Variants in YARS1 observed in about 807,000 individuals in gnomAD.
YARS1 encodes the protein tyrosyl-tRNA synthetase 1.
A neutral mutation model predicts 62.2 loss-of-function variants in YARS1; 36 were observed. The observed-to-expected ratio is 0.58, with a 90% CI of 0.44 to 0.76. The LOEUF (loss-of-function observed/expected upper bound fraction) is 0.76. YARS1 is among the 30% of genes least tolerant of loss of function. The probability of loss-of-function intolerance (pLI) is 0.00; values close to 1 mark genes in which losing one functional copy is unlikely to be tolerated. For synonymous variants in YARS1, 234 were observed against 244.9 expected (o/e 0.96, Z 0.42); for missense variants, 524 against 639.8 (o/e 0.82, Z 1.95).
At chr1:32,798,457 C>T (rs146953798) in intron 4 of YARS1, among the ~76,000 whole-genome samples, 1 of 152,290 alleles carries the variant, frequency 6.6e-6, no homozygotes, top group Non-Finnish European at 1.5e-5. Context: ...AGGTATTCTA[C>T]TGAATAAGGT....
chr1:32,781,462 T>C (rs903210229), intron 9 of YARS1: 4 of 362,434 alleles, frequency 1.1e-5, no homozygotes, highest in Non-Finnish European at 1.6e-5. Context: ...CTCACACCTG[T>C]AATTCTAGCA....
At chr1:32,779,244 T>C in intron 12 of YARS1, 138 bp downstream of exon 12, 1 of 1,426,868 alleles carries the variant, frequency 7.0e-7, no homozygotes, top group African/African-American at 1.4e-5. Context: ...CAAAAAGGTC[T>C]GGAAAGAAGG....
intron 8 of YARS1, among the ~76,000 whole-genome samples, chr1:32,786,021 G>A (rs1220410760): frequency 6.6e-6 from 1 of 151,970 alleles, no homozygotes; most frequent in Admixed American, 6.6e-5. Context: ...ATCCTAAAGG[G>A]ACCACTCGTG....
At chr1:32,802,748 C>T (rs895807419) in intron 4 of YARS1, among the ~76,000 whole-genome samples, 2 of 152,258 alleles carry the variant, frequency 1.3e-5, no homozygotes, top group Middle Eastern at 3.4e-3. Context: ...GTAAATCATA[C>T]TGTTAACAGA....
intron 9 of YARS1, 182 bp downstream of exon 9, chr1:32,782,222 G>C: frequency 4.3e-6 from 4 of 928,584 alleles, no homozygotes; most frequent in Non-Finnish European, 6.6e-6. Flanking sequence ...ATCACTTCCT[G>C]ATGTTAACCA....
In YARS1 at chr1:32,776,020, G is replaced by T; in HGVS notation, c.1548C>A (p.Ser516=). ...KQTNFMTKLG[S]ISCKSLKGGN... ...CCCCTTTCAGCGATTTACAGGAAAT[G>T]GAGCCCAGCTTGGTCATGAAGTTGG... The change falls in exon 13 of 13, where the codon TCC becomes TCA. Residue 516 remains serine (S), a synonymous_variant. Coordinates refer to ENST00000373477, the MANE Select transcript of YARS1 (RefSeq NM_003680.4). This position sits in a 1 kb window ranked among gnomAD's most constrained non-coding sequence, Gnocchi z 4.0. 3.1e-6 allele frequency: 5 copies of T among 1,614,198 alleles called. No homozygotes were observed. Among genetic ancestry groups the T allele is most frequent in the Non-Finnish European group, 4.2e-6 (5 of 1,180,034 alleles).
chr1:32,803,596 G>A (rs988574127), intron 4 of YARS1, among the ~76,000 whole-genome samples: 2 of 152,102 alleles, frequency 1.3e-5, no homozygotes, highest in Non-Finnish European at 2.9e-5. Context: ...AGTCCGAGAT[G>A]GCATCTTCTT....
intron 12 of YARS1, among the ~76,000 whole-genome samples, chr1:32,778,076 A>G (rs1281485976): frequency 6.6e-6 from 1 of 152,202 alleles, no homozygotes; most frequent in African/African-American, 2.4e-5. Flanking sequence ...TGGAGAGTAG[A>G]AATGACTCTC....
chr1:32,814,796 C>T (rs1272855497), intron 1 of YARS1, among the ~76,000 whole-genome samples: 1 of 152,126 alleles, frequency 6.6e-6, no homozygotes, highest in Non-Finnish European at 1.5e-5. Flanking sequence ...TTCTTTTTGT[C>T]CTATGACAGT....
intron 8 of YARS1, chr1:32,783,731 T>A (rs1310100147): frequency 1.3e-5 from 2 of 152,206 alleles, no homozygotes; most frequent in Admixed American, 6.5e-5. Flanking sequence ...TGATACTACT[T>A]CTTCATTTCC....
chr1:32,780,179 C>T lies in YARS1; in HGVS notation c.1240G>A (p.Glu414Lys). Residue 414 changes from glutamate to lysine, a missense_variant, in exon 11 of 13, where the codon GAA becomes AAA. Coordinates refer to ENST00000373477, the MANE Select transcript of YARS1 (RefSeq NM_003680.4). ...ACCACTACCAGCCTGTCCTGCAGTT[C>T]CTCCTTGGGCACGAACTGTACCAGG... ...SGLVQFVPKE[E>K]LQDRLVVVLC... 1 of 1,614,188 alleles carries T rather than the reference C, an allele frequency of 6.2e-7. No individual in the cohort carries two copies. The highest frequency in any genetic ancestry group is 8.5e-7 in the Non-Finnish European group (1 of 1,180,044).
rs1172456014 is a variant in YARS1, at chr1:32,810,121, AG to A, written c.380+469del. 2.6e-5 allele frequency among the ~76,000 whole-genome samples: 4 copies of A among 151,722 alleles called. No individual in the cohort carries two copies. In the South Asian group the frequency reaches 6.2e-4, roughly 24 times the overall value. ...AACTCCACCTCAAAAAAAAAAAAAA[AG>A]AGTAAGTTAAACATTAGGACACGAA... On this transcript the variant is annotated intron_variant, in intron 3 of 12. Transcript: ENST00000373477.
intron 1 of YARS1, among the ~76,000 whole-genome samples, chr1:32,812,205 G>T (rs577332920): frequency 1.1e-3 from 172 of 152,248 alleles, no homozygotes; most frequent in Non-Finnish European, 2.2e-3. Flanking sequence ...TAGTAGAGAA[G>T]TCTCACTATG....
At chr1:32,816,763 C>G (rs1278193942) in intron 1 of YARS1, 1 of 188,246 alleles carries the variant, frequency 5.3e-6, no homozygotes, top group African/African-American at 2.3e-5. Context: ...GGAAGCCTTC[C>G]CTTCTCTCTT....
chr1:32,816,339 T>C (rs1380926410), intron 1 of YARS1, among the ~76,000 whole-genome samples: 1 of 152,112 alleles, frequency 6.6e-6, no homozygotes, highest in African/African-American at 2.4e-5. Context: ...CGTGACTTGG[T>C]CCCTGCCTAC....
rs546459654 is a variant in YARS1, at chr1:32,787,425, C to T, written c.685-350G>A. On this transcript the variant is annotated intron_variant, in intron 6 of 12. Coordinates refer to ENST00000373477, the MANE Select transcript of YARS1 (RefSeq NM_003680.4). ...ATTAAAGGTGTGAGCCACTGTGCCT[C>T]GCTAAAAAAATTCTTTTTACAAAGA... 1.6e-4 allele frequency among the ~76,000 whole-genome samples: 24 copies of T among 151,668 alleles called. No individual in the cohort carries two copies. In the East Asian group the frequency reaches 4.3e-3, roughly 27 times the overall value.
At chr1:32,778,313 T>C (rs1652934907) in intron 12 of YARS1, among the ~76,000 whole-genome samples, 1 of 152,192 alleles carries the variant, frequency 6.6e-6, no homozygotes, top group African/African-American at 2.4e-5. Context: ...CAGATTTTCA[T>C]TGTCCAGAAG....
At chr1:32,799,658 G>A (rs1653712459) in intron 4 of YARS1, among the ~76,000 whole-genome samples, 1 of 152,208 alleles carries the variant, frequency 6.6e-6, no homozygotes, top group Admixed American at 6.6e-5. Flanking sequence ...TATATTATAT[G>A]TCTGTGCTGT....
intron 1 of YARS1, among the ~76,000 whole-genome samples, chr1:32,814,467 T>C (rs566729259): frequency 6.6e-6 from 1 of 152,320 alleles, no homozygotes; most frequent in South Asian, 2.1e-4. Context: ...CCTGAGTCAC[T>C]GCAACCTCTG....
Sources: gnomAD v4.1 joint callset for allele counts (sites outside exome capture counted in the v4.1 genomes callset) on GRCh38, gnomAD v4.1.1 for gene constraint, Gnocchi (gnomAD v3.1) non-coding constraint, MANE v1.5 for transcripts, NCBI Gene and HGNC (gene_info 2026-07-23, HGNC 2026-07-21) for gene names.